Variants in NELL1 observed in about 807,000 individuals in gnomAD.
NELL1 encodes the protein protein kinase C-binding protein NELL1.
Under a neutral mutation model 107.4 loss-of-function variants are expected in NELL1, and 76 were observed. The ratio of observed to expected loss-of-function variants is 0.71; its 90% CI spans 0.59 to 0.86. The LOEUF (loss-of-function observed/expected upper bound fraction) is 0.86. Among genes scored for constraint, NELL1 ranks in the 40% least tolerant of loss-of-function variants. The pLI is 0.00. For missense variants in NELL1, 1,024 were observed against 1,005.5 expected, an observed-to-expected ratio of 1.02 and a Z score of -0.25; for synonymous variants, 353 against 341.2, an observed-to-expected ratio of 1.03 and a Z score of -0.38.
chr11:21,323,922 C>A (rs10833504), intron 14 of NELL1, among the ~76,000 whole-genome samples: 78,083 of 151,828 alleles, frequency 0.51, 20,409 homozygotes, highest in African/African-American at 0.53. Context: ...CTGTCCACCC[C>A]CTAACTCCAA....
intron 13 of NELL1, among the ~76,000 whole-genome samples, chr11:21,121,092 CT>C (rs1855357120): frequency 6.6e-6 from 1 of 152,102 alleles, no homozygotes; most frequent in Non-Finnish European, 1.5e-5. Flanking sequence ...TGGGACCCAG[CT>C]TTGGTGGGCT....
chr11:20,709,215 C>G (rs1715282), intron 2 of NELL1, among the ~76,000 whole-genome samples: 2 of 152,020 alleles, frequency 1.3e-5, no homozygotes, highest in Admixed American at 1.3e-4. Flanking sequence ...TGATTTTTGT[C>G]TAAGGAGAGA....
intron 13 of NELL1, among the ~76,000 whole-genome samples, chr11:21,224,331 C>T (rs1857837634): frequency 6.6e-6 from 1 of 151,998 alleles, no homozygotes; most frequent in South Asian, 2.1e-4. Flanking sequence ...CAACCTTGAC[C>T]TCCTGGGCTC....
intron 2 of NELL1, among the ~76,000 whole-genome samples, chr11:20,703,935 A>G (rs142715939): frequency 0.035 from 5,348 of 152,234 alleles, 319 homozygotes; most frequent in African/African-American, 0.12. Context: ...TATGTGGTCA[A>G]TTTTGGAATA....
At chr11:20,738,083 A>G (rs59473162) in intron 2 of NELL1, among the ~76,000 whole-genome samples, 31,641 of 151,502 alleles carry the variant, frequency 0.21, 3,853 homozygotes, top group African/African-American at 0.31. Context: ...CATCTATGAC[A>G]CAGTGTGAGA....
chr11:21,529,331 C>T (rs976773380), intron 15 of NELL1, among the ~76,000 whole-genome samples: 2 of 152,246 alleles, frequency 1.3e-5, no homozygotes, highest in East Asian at 1.9e-4. Context: ...AGCCACATGA[C>T]CTTACATATC....
intron 5 of NELL1, among the ~76,000 whole-genome samples, chr11:20,888,328 T>A (rs1435706343): frequency 3.3e-5 from 5 of 151,886 alleles, no homozygotes; most frequent in African/African-American, 1.2e-4. Flanking sequence ...TATGTGTGAA[T>A]ATGTATGCAT....
At chr11:21,187,950 G>A (rs1425526733) in intron 13 of NELL1, among the ~76,000 whole-genome samples, 1 of 151,826 alleles carries the variant, frequency 6.6e-6, no homozygotes, top group African/African-American at 2.4e-5. Flanking sequence ...TTTCTTTTCT[G>A]TATAATAGGC....
intron 12 of NELL1, among the ~76,000 whole-genome samples, chr11:21,105,489 C>G (rs78279820): frequency 2.0e-3 from 311 of 152,218 alleles, no homozygotes; most frequent in Non-Finnish European, 3.6e-3. Flanking sequence ...TTGCCTGCTC[C>G]CTACTGTGAA....
At chr11:21,417,080 A>G (rs911783094) in intron 15 of NELL1, among the ~76,000 whole-genome samples, 5 of 152,198 alleles carry the variant, frequency 3.3e-5, no homozygotes, top group Non-Finnish European at 5.9e-5. Context: ...GCACCTAAAC[A>G]GTATAATATA....
intron 12 of NELL1, among the ~76,000 whole-genome samples, chr11:20,991,885 A>C (rs567680344): frequency 6.6e-6 from 1 of 151,420 alleles, no homozygotes; most frequent in South Asian, 2.1e-4. Context: ...TTCTCCCAGA[A>C]GTGTTGTACT....
rs192843051 is a variant in NELL1 at position 20,724,609 on chromosome 11, G to A, written c.184+46549G>A. Reference sequence around the variant, plus strand: ...CTTCATCTCCATCCGAGACCACCTCGGCCTGGACTTCATTGTCCATATCAT... The same window carrying A: ...CTTCATCTCCATCCGAGACCACCTCAGCCTGGACTTCATTGTCCATATCAT... On this transcript the variant is annotated intron_variant, in intron 2 of 19. Coordinates refer to ENST00000357134, the MANE Select transcript of NELL1 (RefSeq NM_006157.5). Among the ~76,000 whole-genome samples the A allele has an allele frequency of 7.4e-4, 113 of 152,080 alleles. 1 individual carries two copies. Among genetic ancestry groups the A allele is most frequent in the South Asian group, 2.1e-4 (1 of 4,814 alleles).
intron 12 of NELL1, among the ~76,000 whole-genome samples, chr11:20,969,870 G>A (rs190815655): frequency 1.3e-5 from 2 of 152,172 alleles, no homozygotes. Flanking sequence ...GATATTGAAT[G>A]TGAAAGCATT....
At chr11:20,975,917 A>G (rs550587195) in intron 12 of NELL1, among the ~76,000 whole-genome samples, 1 of 107,482 alleles carries the variant, frequency 9.3e-6, no homozygotes, top group Non-Finnish European at 1.8e-5. Flanking sequence ...TATTATATAA[A>G]CACACATATA....
chr11:21,065,583 T>C (rs1032008947), intron 12 of NELL1, among the ~76,000 whole-genome samples: 1 of 152,170 alleles, frequency 6.6e-6, no homozygotes, highest in Non-Finnish European at 1.5e-5. Context: ...AACCTGGCAT[T>C]GGATTGCATG....
intron 14 of NELL1, among the ~76,000 whole-genome samples, chr11:21,314,431 C>T (rs1372573004): frequency 2.0e-5 from 3 of 152,036 alleles, no homozygotes; most frequent in Non-Finnish European, 4.4e-5. Flanking sequence ...GTAATGATGC[C>T]ATAGAACTGT....
intron 14 of NELL1, among the ~76,000 whole-genome samples, chr11:21,243,007 C>T (rs1565127425): frequency 6.6e-6 from 1 of 152,020 alleles, no homozygotes; most frequent in African/African-American, 2.4e-5. Flanking sequence ...GATCATTTTT[C>T]CCCCAACTTG....
At chr11:20,789,898 G>A (rs1014131758) in intron 3 of NELL1, among the ~76,000 whole-genome samples, 1 of 152,014 alleles carries the variant, frequency 6.6e-6, no homozygotes, top group African/African-American at 2.4e-5. Context: ...TCTCTGCAGC[G>A]GGTTATCCTG....
intron 3 of NELL1, among the ~76,000 whole-genome samples, chr11:20,806,695 T>G (rs1416498488): frequency 6.6e-6 from 1 of 152,194 alleles, no homozygotes; most frequent in African/African-American, 2.4e-5. Context: ...CGAAGCTATT[T>G]TCTAGATCTT....
Sources: gnomAD v4.1 joint callset for allele counts (sites outside exome capture counted in the v4.1 genomes callset) on GRCh38, gnomAD v4.1.1 for gene constraint, MANE v1.5 for transcripts, NCBI Gene and HGNC (gene_info 2026-07-23, HGNC 2026-07-21) for gene names.